Variants in GHR observed in about 807,000 individuals in gnomAD.
GHR encodes growth hormone receptor.
In GHR, 35 loss-of-function variants were observed where a neutral mutation model predicts 67.1. The observed-to-expected ratio is 0.52, with a 90% CI of 0.40 to 0.69. The LOEUF (loss-of-function observed/expected upper bound fraction) is 0.69. Ranked by LOEUF, GHR falls within the 30% of genes least tolerant of loss-of-function variation. The pLI, the probability that GHR is intolerant of heterozygous loss-of-function variation, is 0.00. For missense variants in GHR, 792 were observed against 764.6 expected (o/e 1.04, Z -0.42); for synonymous variants, 272 against 269.1 (o/e 1.01, Z -0.10).
intron 1 of GHR, among the ~76,000 whole-genome samples, chr5:42,472,844 A>T (rs1386463758): frequency 6.6e-6 from 1 of 152,204 alleles, no homozygotes; most frequent in African/African-American, 2.4e-5. Flanking sequence ...AGGTACAACC[A>T]GGTCATCCCA....
intron 2 of GHR, among the ~76,000 whole-genome samples, chr5:42,571,717 A>G (rs1750328492): frequency 6.6e-6 from 1 of 152,214 alleles, no homozygotes; most frequent in Non-Finnish European, 1.5e-5. Context: ...GTGATAGAGT[A>G]TATTTCTGGT....
At chr5:42,511,643 A>T (rs1747021289) in intron 1 of GHR, among the ~76,000 whole-genome samples, 1 of 151,834 alleles carries the variant, frequency 6.6e-6, no homozygotes, top group Admixed American at 6.6e-5. Flanking sequence ...TTTTTATTAG[A>T]TAATAATTTG....
chr5:42,596,409 G>A (rs1400901129), intron 2 of GHR, among the ~76,000 whole-genome samples: 1 of 152,168 alleles, frequency 6.6e-6, no homozygotes, highest in African/African-American at 2.4e-5. Flanking sequence ...CAGTAGGCTG[G>A]CTGGAGTAGC....
chr5:42,537,650 G>A (rs544974788), intron 1 of GHR, among the ~76,000 whole-genome samples: 16 of 152,254 alleles, frequency 1.1e-4, no homozygotes, highest in South Asian at 1.0e-3. Context: ...TGGATGAAAT[G>A]TTCTGTATAT....
chr5:42,526,867 C>T lies in GHR; in HGVS notation c.-11-38997C>T, dbSNP rs576926573. ...AGGTCACCTACAAAAGGAACCCCATCGGGCCAACAACAGACCTCTCAGCTA... is the reference window on the plus strand; with the variant it reads ...AGGTCACCTACAAAAGGAACCCCATTGGGCCAACAACAGACCTCTCAGCTA... On this transcript the variant is annotated intron_variant, in intron 1 of 9. Coordinates refer to ENST00000230882, the MANE Select transcript of GHR (RefSeq NM_000163.5). Among the ~76,000 whole-genome samples the T allele has an allele frequency of 3.3e-5, 5 of 152,260 alleles. 1 individual carries two copies. The highest frequency in any genetic ancestry group is 6.5e-5 in the Admixed American group (1 of 15,304).
In GHR at chr5:42,469,909, C is replaced by T. The variant is rs551793722; in HGVS notation, c.-12+45954C>T. Among the ~76,000 whole-genome samples the T allele has an allele frequency of 1.4e-4, 22 of 151,946 alleles. No individual in the cohort carries two copies. The East Asian group carries it at 4.3e-3, about 29-fold the overall frequency. The stretch of plus-strand genomic sequence containing the variant: ...CTTAACGGAGTGGGGACAGGTATTC[C>T]TTTTGTCTTTCAGAAAGGCATGTTA... On this transcript the variant is annotated intron_variant, in intron 1 of 9. Coordinates refer to ENST00000230882, the MANE Select transcript of GHR (RefSeq NM_000163.5).
intron 1 of GHR, among the ~76,000 whole-genome samples, chr5:42,543,634 T>G (rs909663844): frequency 2.0e-5 from 3 of 152,194 alleles, no homozygotes; most frequent in Non-Finnish European, 4.4e-5. Flanking sequence ...CCTCTTATTT[T>G]AAGCACTTTT....
At chr5:42,534,546 T>G (rs1039760774) in intron 1 of GHR, among the ~76,000 whole-genome samples, 7 of 151,628 alleles carry the variant, frequency 4.6e-5, no homozygotes, top group African/African-American at 1.7e-4. Flanking sequence ...ATACTATAGT[T>G]TCTTTATCCA....
intron 1 of GHR, among the ~76,000 whole-genome samples, chr5:42,538,511 T>G (rs1243450799): frequency 1.3e-5 from 2 of 152,228 alleles, no homozygotes; most frequent in African/African-American, 4.8e-5. Context: ...GGCCCAATCT[T>G]ATCTAGCTTG....
intron 1 of GHR, among the ~76,000 whole-genome samples, chr5:42,503,133 C>T (rs1238812690): frequency 1.3e-5 from 2 of 152,146 alleles, no homozygotes; most frequent in African/African-American, 4.8e-5. Flanking sequence ...CTCCTTTTGC[C>T]CTTGGCATGT....
intron 1 of GHR, among the ~76,000 whole-genome samples, chr5:42,434,076 A>G (rs533606208): frequency 2.0e-4 from 30 of 152,254 alleles, no homozygotes; most frequent in African/African-American, 6.5e-4. Context: ...TTCTTAAACA[A>G]TGTTCCAAGA....
intron 1 of GHR, among the ~76,000 whole-genome samples, chr5:42,462,312 G>C (rs1019832734): frequency 4.6e-5 from 7 of 152,160 alleles, no homozygotes; most frequent in Non-Finnish European, 1.0e-4. Context: ...TCAGAGATAA[G>C]TTTAATTTTT....
intron 1 of GHR, among the ~76,000 whole-genome samples, chr5:42,541,116 C>A (rs1217470083): frequency 6.6e-6 from 1 of 151,994 alleles, no homozygotes; most frequent in Non-Finnish European, 1.5e-5. Context: ...TGTTTTCCTG[C>A]TATTGTACAT....
At chr5:42,451,765 T>C (rs575775193) in intron 1 of GHR, among the ~76,000 whole-genome samples, 85 of 152,298 alleles carry the variant, frequency 5.6e-4, no homozygotes, top group South Asian at 2.9e-3. Context: ...AAATATCTTT[T>C]TCCACTTCTT....
intron 3 of GHR, among the ~76,000 whole-genome samples, chr5:42,655,770 T>C (rs138383862): frequency 1.7e-3 from 257 of 152,062 alleles, no homozygotes; most frequent in Non-Finnish European, 2.9e-3. Flanking sequence ...AAAAGCACAA[T>C]GTATACTAAG....
intron 7 of GHR, among the ~76,000 whole-genome samples, chr5:42,713,026 T>TA (rs1284226245): frequency 2.0e-5 from 3 of 150,576 alleles, no homozygotes; most frequent in African/African-American, 4.9e-5. Context: ...TCACCACACT[T>TA]AAAAAAAAAT....
chr5:42,477,838 G>T (rs1484185100), intron 1 of GHR, among the ~76,000 whole-genome samples: 1 of 152,152 alleles, frequency 6.6e-6, no homozygotes, highest in Non-Finnish European at 1.5e-5. Flanking sequence ...TAGGTTGCCT[G>T]TTCACTCTGA....
At chr5:42,508,567 A>AGTTTGTTT (rs552462948) in intron 1 of GHR, among the ~76,000 whole-genome samples, 6 of 151,978 alleles carry the variant, frequency 3.9e-5, no homozygotes, top group African/African-American at 1.4e-4. Context: ...CCCAGCAGGA[A>AGTTTGTTT]GTTTGTTTGT....
chr5:42,678,001 T>C (rs1010824994), intron 3 of GHR, among the ~76,000 whole-genome samples: 1 of 152,208 alleles, frequency 6.6e-6, no homozygotes, highest in African/African-American at 2.4e-5. Context: ...ATTGTGAGGA[T>C]GGAAATAATA....
Sources: gnomAD v4.1 joint callset for allele counts (sites outside exome capture counted in the v4.1 genomes callset) on GRCh38, gnomAD v4.1.1 for gene constraint, MANE v1.5 for transcripts, NCBI Gene and HGNC (gene_info 2026-07-23, HGNC 2026-07-21) for gene names.